The following RTF2 variants were observed in gnomAD, a reference collection of about 807,000 sequenced individuals.
RTF2 encodes replication termination factor 2.
A neutral mutation model predicts 38.0 loss-of-function variants in RTF2; 18 were observed. The observed-to-expected ratio is 0.47, with a 90% confidence interval of 0.33 to 0.70. The LOEUF is 0.70. Among genes scored for constraint, RTF2 ranks in the 30% least tolerant of loss-of-function variants. RTF2 has a pLI of 0.02. For missense variants in RTF2, 311 were observed against 379.6 expected (o/e 0.82, Z 1.50); for synonymous variants, 126 against 137.1 (o/e 0.92, Z 0.57).
chr20:56,478,606 T>A (rs1041936187), intron 4 of RTF2, among the ~76,000 whole-genome samples: 2 of 152,224 alleles, frequency 1.3e-5, no homozygotes, highest in Non-Finnish European at 2.9e-5. Flanking sequence ...ATGCTAGCAA[T>A]CACCTGAACC....
chr20:56,486,191 G>A (rs960134606), intron 5 of RTF2, among the ~76,000 whole-genome samples: 3 of 151,980 alleles, frequency 2.0e-5, no homozygotes, highest in East Asian at 3.9e-4. Flanking sequence ...TTTAATCTTC[G>A]TACGTTTGTA....
intron 5 of RTF2, among the ~76,000 whole-genome samples, chr20:56,492,488 G>A (rs901227687): frequency 1.3e-5 from 2 of 150,798 alleles, no homozygotes; most frequent in African/African-American, 2.4e-5. Flanking sequence ...GGGAGGCCGA[G>A]GCGGGAGAAT....
chr20:56,496,990 G>T, intron 5 of RTF2: 1 of 1,551,698 alleles, frequency 6.4e-7, no homozygotes, highest in Non-Finnish European at 8.7e-7. Context: ...GGAAAATCCT[G>T]TCCACAAAGA....
intron 8 of RTF2, among the ~76,000 whole-genome samples, chr20:56,517,636 C>T (rs746917145): frequency 1.3e-5 from 2 of 152,172 alleles, no homozygotes; most frequent in African/African-American, 4.8e-5. Context: ...GGATCAGTTT[C>T]TCCTAAAACT....
Position 56,511,241 on chromosome 20 carries a change from CAGG to C in RTF2, c.478-2070_478-2068del, listed in dbSNP as rs1338926723. ...GCCTCTTAGGAACCGGGCCACACAGCAGGAGGTGAGCCACAGGCGAGAGAACAT... is the reference window on the plus strand; with the variant it reads ...GCCTCTTAGGAACCGGGCCACACAGCAGGTGAGCCACAGGCGAGAGAACAT... On this transcript the variant is annotated intron_variant, in intron 5 of 8. Transcript: ENST00000357348. 1.1e-4 allele frequency among the ~76,000 whole-genome samples: 17 copies of C among 152,284 alleles called. No individual in the cohort carries two copies. The East Asian group carries it at 3.1e-3, about 28-fold the overall frequency.
intron 1 of RTF2, 73 bp from the exon 2 acceptor site, chr20:56,473,228 C>A: frequency 9.1e-7 from 1 of 1,103,988 alleles, no homozygotes; most frequent in Non-Finnish European, 1.4e-6. Flanking sequence ...ACTGAATATA[C>A]TTTTATATGT....
At chr20:56,498,335 C>T (rs570382612) in intron 5 of RTF2, among the ~76,000 whole-genome samples, 87 of 152,070 alleles carry the variant, frequency 5.7e-4, no homozygotes, top group Non-Finnish European at 8.8e-4. Context: ...CTTTGGGAGG[C>T]CAAGGCAGAG....
At chr20:56,480,906 C>T (rs542342495) in intron 4 of RTF2, among the ~76,000 whole-genome samples, 30 of 152,198 alleles carry the variant, frequency 2.0e-4, no homozygotes, top group Non-Finnish European at 2.4e-4. Context: ...CACAGATCAC[C>T]GTAACAGATG....
At chr20:56,473,493 C>T (rs546318612) in intron 2 of RTF2, 98 bp downstream of exon 2, 58 of 843,832 alleles carry the variant, frequency 6.9e-5, no homozygotes, top group Non-Finnish European at 1.1e-4. Context: ...TGGATTATCC[C>T]AAGCAAATTT....
chr20:56,474,642 C>G (rs757029991), intron 2 of RTF2, 36 bp from the exon 3 acceptor site: 6 of 1,363,618 alleles, frequency 4.4e-6, no homozygotes, highest in Non-Finnish European at 6.1e-6. Context: ...TTGAAAGTCG[C>G]TTGTTGACAT....
chr20:56,473,327 C>G lies in RTF2; in HGVS notation c.96C>G (p.Ala32=), dbSNP rs1436264017. The G allele has an allele frequency of 1.2e-6, 2 of 1,613,222 alleles. No individual in the cohort carries two copies. Among genetic ancestry groups the G allele is most frequent in the South Asian group, 2.2e-5 (2 of 91,034 alleles). Residue 32 remains alanine, a synonymous_variant, in exon 2 of 9, where the codon GCC becomes GCG. Transcript: ENST00000357348. ...TCGACAAAGATGCTGAATTAGTGGC[C>G]CAATGGAACTATTGTACTCTAAGTC... The part of the protein sequence containing the change: ...EKVDKDAELV[A]QWNYCTLSQE...
At chr20:56,472,976 C>A (rs1003142150) in intron 1 of RTF2, among the ~76,000 whole-genome samples, 1 of 152,012 alleles carries the variant, frequency 6.6e-6, no homozygotes, top group Non-Finnish European at 1.5e-5. Flanking sequence ...ACAAAAAATA[C>A]AAAAATTAGC....
chr20:56,510,627 C>T (rs2146371056), intron 5 of RTF2, among the ~76,000 whole-genome samples: 1 of 152,282 alleles, frequency 6.6e-6, no homozygotes, highest in South Asian at 2.1e-4. Context: ...CTACCAGCTT[C>T]AGGGTAAAAT....
Position 56,473,428 on chromosome 20 carries a change from G to C in RTF2, c.164+33G>C, listed in dbSNP as rs762237143. On this transcript the variant is annotated intron_variant, in intron 2 of 8. Transcript: ENST00000357348. ...TTTTACACTTAATCAAGATGAGTTT[G>C]TTAAGTGATTTTGAGAATTTTGATG... The C allele has an allele frequency of 1.4e-5, 20 of 1,430,104 alleles. No homozygotes were observed. In the African/African-American group the frequency reaches 1.8e-4, roughly 13 times the overall value. The allele number at this position is 1,430,104 out of a possible 1,614,324, so 88.6% of individuals were successfully genotyped here. A position where few individuals can be genotyped will look rare whatever the true frequency, so the allele number is the denominator to read the frequency against.
chr20:56,484,119 TC>T lies in RTF2; in HGVS notation c.409del (p.Leu137PhefsTer13). ...LEMNGRHRFC[F>X]LRCCGCVFSE... ...CTGGGTTATTTCTCCAGGTTCTGCT[TC>T]CTTCGGTGCTGCGGCTGTGTGTTTT... On this transcript the variant is annotated frameshift_variant, in exon 5 of 9. Coordinates refer to ENST00000357348, the MANE Select transcript of RTF2 (RefSeq NM_016407.5). LOFTEE classifies it high-confidence loss of function. 1 of 1,614,146 alleles carries T rather than the reference TC, an allele frequency of 6.2e-7. No individual in the cohort carries two copies. The highest frequency in any genetic ancestry group is 2.2e-5 in the East Asian group (1 of 44,880).
At chr20:56,490,101 G>T (rs1007597926) in intron 5 of RTF2, among the ~76,000 whole-genome samples, 1 of 152,172 alleles carries the variant, frequency 6.6e-6, no homozygotes, top group Non-Finnish European at 1.5e-5. Context: ...TGATTTGTGG[G>T]ATCTGTCTTC....
At chr20:56,472,125 G>T (rs932447950) in intron 1 of RTF2, among the ~76,000 whole-genome samples, 1 of 152,122 alleles carries the variant, frequency 6.6e-6, no homozygotes, top group Admixed American at 6.5e-5. Context: ...GGAGGCTAAG[G>T]GGGAGGATTG....
intron 5 of RTF2, chr20:56,491,618 G>A: frequency 6.4e-7 from 1 of 1,551,842 alleles, no homozygotes; most frequent in Non-Finnish European, 8.7e-7. Flanking sequence ...TGGCTCTATA[G>A]GAACTTCTGC....
At chr20:56,491,311 A>G (rs1230673948) in intron 5 of RTF2, among the ~76,000 whole-genome samples, 3 of 152,176 alleles carry the variant, frequency 2.0e-5, no homozygotes, top group African/African-American at 4.8e-5. Flanking sequence ...TTACTGAAGC[A>G]TTTGGCCTTC....
Sources: gnomAD v4.1 joint callset for allele counts (sites outside exome capture counted in the v4.1 genomes callset) on GRCh38, gnomAD v4.1.1 for gene constraint, MANE v1.5 for transcripts, NCBI Gene and HGNC (gene_info 2026-07-23, HGNC 2026-07-21) for gene names.